Variants in GSK3B observed in about 807,000 individuals in gnomAD.
The protein encoded by GSK3B is glycogen synthase kinase-3 beta.
GSK3B carries 15 observed loss-of-function variants against 56.4 expected under a neutral mutation model. That is an observed-to-expected ratio of 0.27 (90% CI 0.18 to 0.41). The LOEUF is 0.41. Ranked by LOEUF, GSK3B falls within the 10% of genes least tolerant of loss-of-function variation. The probability of loss-of-function intolerance (pLI) is 1.00; values close to 1 mark genes in which losing one functional copy is unlikely to be tolerated. For synonymous variants in GSK3B, 181 were observed against 188.9 expected (o/e 0.96, Z 0.34); for missense variants, 300 against 513.4 (o/e 0.58, Z 4.02).
chr3:120,044,852 T>C (rs1559889247), intron 1 of GSK3B, among the ~76,000 whole-genome samples: 1 of 152,238 alleles, frequency 6.6e-6, no homozygotes, highest in South Asian at 2.1e-4. Context: ...TATTGTACCT[T>C]CATCCCAAAC....
intron 9 of GSK3B, among the ~76,000 whole-genome samples, chr3:119,857,312 AC>A: frequency 6.6e-6 from 1 of 152,296 alleles, no homozygotes; most frequent in East Asian, 1.9e-4. Flanking sequence ...ATAGCATTTT[AC>A]CCTGGTAGAA....
chr3:119,891,957 T>G (rs2056507606), intron 7 of GSK3B, among the ~76,000 whole-genome samples: 1 of 152,142 alleles, frequency 6.6e-6, no homozygotes, highest in Non-Finnish European at 1.5e-5. Flanking sequence ...CCTACCTAGT[T>G]AGAAATTTAT....
At chr3:120,001,053 T>C (rs375143223) in intron 2 of GSK3B, among the ~76,000 whole-genome samples, 1 of 150,804 alleles carries the variant, frequency 6.6e-6, no homozygotes, top group Non-Finnish European at 1.5e-5. Flanking sequence ...GCCTCCCAAG[T>C]AGCTGGGACT....
At chr3:120,020,888 G>A (rs1004377748) in intron 1 of GSK3B, among the ~76,000 whole-genome samples, 1 of 152,204 alleles carries the variant, frequency 6.6e-6, no homozygotes, top group East Asian at 1.9e-4. Context: ...TGAATGACAA[G>A]AAAGTAAAAC....
At chr3:119,910,441 TA>T (rs2056724379) in intron 6 of GSK3B, among the ~76,000 whole-genome samples, 2 of 152,146 alleles carry the variant, frequency 1.3e-5, no homozygotes, top group Admixed American at 1.3e-4. Context: ...TATAAAAACA[TA>T]AATGTAATAC....
At chr3:119,941,977 C>T (rs1427770275) in intron 3 of GSK3B, among the ~76,000 whole-genome samples, 1 of 152,196 alleles carries the variant, frequency 6.6e-6, no homozygotes, top group African/African-American at 2.4e-5. Context: ...TAGTGGTAGA[C>T]CAGCAAAATT....
chr3:119,968,765 T>C (rs2057341095), intron 2 of GSK3B, among the ~76,000 whole-genome samples: 1 of 152,080 alleles, frequency 6.6e-6, no homozygotes, highest in Non-Finnish European at 1.5e-5. Context: ...AAAATAAAAC[T>C]GTCTTTGCTC....
chr3:120,061,381 G>A (rs2058235414), intron 1 of GSK3B, among the ~76,000 whole-genome samples: 1 of 152,134 alleles, frequency 6.6e-6, no homozygotes, highest in Non-Finnish European at 1.5e-5. Context: ...TCTAGATTTT[G>A]TTGCAGTCAA....
At chr3:119,877,628 G>A (rs1226010517) in intron 7 of GSK3B, among the ~76,000 whole-genome samples, 1 of 152,158 alleles carries the variant, frequency 6.6e-6, no homozygotes, top group African/African-American at 2.4e-5. Flanking sequence ...TCGTTGAATA[G>A]TGTCCCTTGT....
At chr3:119,927,550 A>G (rs947503653) in intron 3 of GSK3B, among the ~76,000 whole-genome samples, 2 of 152,230 alleles carry the variant, frequency 1.3e-5, no homozygotes, top group Non-Finnish European at 2.9e-5. Context: ...AGGTGATGAG[A>G]CACAGAAAGC....
rs2055451781 is a variant in GSK3B at position 119,823,732 on chromosome 3, C to CAGGG, written c.*3052_*3055dup. The stretch of plus-strand genomic sequence containing the variant: ...AAGACATTCAGAACCAAAACAAAGG[C>CAGGG]AGGGCTTCAACGAAATGAAATTACG... On this transcript the variant is annotated 3_prime_UTR_variant, in exon 11 of 11. Transcript: ENST00000264235. The CAGGG allele has an allele frequency of 5.3e-6, 1 of 188,646 alleles. No homozygotes were observed. The highest frequency in any genetic ancestry group is 1.1e-5 in the Non-Finnish European group (1 of 89,722). The allele number at this position is 188,646 out of a possible 1,614,324, so 11.7% of individuals were successfully genotyped here.
intron 2 of GSK3B, among the ~76,000 whole-genome samples, chr3:119,980,383 G>A (rs934607880): frequency 6.6e-6 from 1 of 151,602 alleles, no homozygotes; most frequent in Non-Finnish European, 1.5e-5. Context: ...ACAGAGTTTC[G>A]CTCTTGTTGC....
chr3:119,862,049 G>A (rs1044649028), intron 9 of GSK3B, among the ~76,000 whole-genome samples: 1 of 150,464 alleles, frequency 6.6e-6, no homozygotes, highest in African/African-American at 2.4e-5. Context: ...CTAATGTGCT[G>A]GGCAAACATA....
Position 120,022,642 on chromosome 3 carries a change from G to A in GSK3B, c.89-20403C>T, listed in dbSNP as rs1036199292. On this transcript the variant is annotated intron_variant, in intron 1 of 10. Transcript: ENST00000264235. Reference sequence around the variant, plus strand: ...AGAACCTGGCAATGCCATTCAAATAGGGCAAGTCCAAGTCCACCTCTTCAA... The same window carrying A: ...AGAACCTGGCAATGCCATTCAAATAAGGCAAGTCCAAGTCCACCTCTTCAA... Among the ~76,000 whole-genome samples, 8 of 152,180 alleles carry A rather than the reference G, an allele frequency of 5.3e-5. No individual in the cohort carries two copies. In the East Asian group the frequency reaches 1.3e-3, roughly 26 times the overall value.
intron 1 of GSK3B, among the ~76,000 whole-genome samples, chr3:120,064,099 CAAT>C (rs1366564996): frequency 1.3e-5 from 2 of 151,786 alleles, no homozygotes; most frequent in Non-Finnish European, 2.9e-5. Flanking sequence ...CCATTTTTCA[CAAT>C]AACTTCAAAA....
At chr3:120,049,565 T>G (rs1430384079) in intron 1 of GSK3B, among the ~76,000 whole-genome samples, 1 of 152,184 alleles carries the variant, frequency 6.6e-6, no homozygotes, top group Admixed American at 6.6e-5. Flanking sequence ...CAAATCCACA[T>G]GCCTTCTGAA....
chr3:119,998,302 G>A (rs1202086382), intron 2 of GSK3B, among the ~76,000 whole-genome samples: 2 of 152,140 alleles, frequency 1.3e-5, no homozygotes, highest in Non-Finnish European at 2.9e-5. Context: ...TGCCATGTAG[G>A]AAGCTAACTG....
chr3:119,984,597 A>G (rs2057496666), intron 2 of GSK3B, among the ~76,000 whole-genome samples: 1 of 152,232 alleles, frequency 6.6e-6, no homozygotes, highest in Non-Finnish European at 1.5e-5. Flanking sequence ...CTCTATGCAA[A>G]TAAACTAGAA....
chr3:119,950,754 C>A (rs918008887), intron 2 of GSK3B, among the ~76,000 whole-genome samples: 5 of 152,144 alleles, frequency 3.3e-5, no homozygotes, highest in African/African-American at 1.2e-4. Context: ...GCAAAGGCAA[C>A]AACAAATTGA....
Sources: gnomAD v4.1 joint callset for allele counts (sites outside exome capture counted in the v4.1 genomes callset) on GRCh38, gnomAD v4.1.1 for gene constraint, MANE v1.5 for transcripts, NCBI Gene and HGNC (gene_info 2026-07-23, HGNC 2026-07-21) for gene names.